IL1RAPL2: variants seen among roughly 807,000 people sequenced by gnomAD.
IL1RAPL2 encodes X-linked interleukin-1 receptor accessory protein-like 2.
IL1RAPL2 carries 3 observed loss-of-function variants against 44.1 expected under a neutral mutation model. The observed-to-expected ratio is 0.07, with a 90% CI of 0.03 to 0.18. IL1RAPL2 has a LOEUF of 0.18. IL1RAPL2 is among the 10% of genes least tolerant of loss of function. The probability of loss-of-function intolerance (pLI) is 1.00; values close to 1 mark genes in which losing one functional copy is unlikely to be tolerated. For missense variants in IL1RAPL2, 391 were observed against 496.4 expected, an observed-to-expected ratio of 0.79 and a Z score of 2.02; for synonymous variants, 181 against 178.8, an observed-to-expected ratio of 1.01 and a Z score of -0.10.
intron 2 of IL1RAPL2, among the ~76,000 whole-genome samples, chrX:104,709,122 C>T (rs1931409562): frequency 9.1e-6 from 1 of 110,333 alleles, no homozygotes; most frequent in African/African-American, 3.3e-5. Context: ...ACCACAGGTA[C>T]ACTTTGGCTC....
chrX:104,681,047 A>G (rs1241903110), intron 2 of IL1RAPL2, among the ~76,000 whole-genome samples: 1 of 111,900 alleles, frequency 8.9e-6, no homozygotes, highest in African/African-American at 3.2e-5. Context: ...CTGTCAGAGC[A>G]AAAAATATAC....
At chrX:105,521,136 G>T (rs1419859666) in intron 6 of IL1RAPL2, among the ~76,000 whole-genome samples, 3 of 102,562 alleles carry the variant, frequency 2.9e-5, no homozygotes, top group Non-Finnish European at 4.0e-5. Context: ...AGTAGAGACG[G>T]GGTTTCACCG....
intron 5 of IL1RAPL2, among the ~76,000 whole-genome samples, chrX:105,442,494 C>A (rs764747761): frequency 5.4e-5 from 6 of 112,108 alleles, no homozygotes; most frequent in Non-Finnish European, 1.1e-4. Context: ...TCACTATTCA[C>A]AAATGTTAGC....
At chrX:104,966,633 C>T (rs2030129660) in intron 2 of IL1RAPL2, among the ~76,000 whole-genome samples, 2 of 111,727 alleles carry the variant, frequency 1.8e-5, no homozygotes, top group African/African-American at 6.5e-5. Context: ...ACACACAAAT[C>T]CACAATCATG....
intron 2 of IL1RAPL2, among the ~76,000 whole-genome samples, chrX:104,918,842 AT>A (rs1446258234): frequency 8.9e-6 from 1 of 111,922 alleles, no homozygotes; most frequent in Non-Finnish European, 1.9e-5. Context: ...ATTAATTTTT[AT>A]TGTTTCTCAA....
intron 6 of IL1RAPL2, among the ~76,000 whole-genome samples, chrX:105,686,276 AAGACC>A: frequency 9.2e-6 from 1 of 108,238 alleles, no homozygotes; most frequent in Admixed American, 1.0e-4. Context: ...ATAAAGAGTC[AAGACC>A]CATCAGTATG....
chrX:105,534,521 C>G (rs1471431110), intron 6 of IL1RAPL2, among the ~76,000 whole-genome samples: 1 of 110,740 alleles, frequency 9.0e-6, no homozygotes, highest in African/African-American at 3.3e-5. Flanking sequence ...TATACACCCA[C>G]CATGTACCCC....
chrX:105,232,933 G>A (rs1367029244), intron 3 of IL1RAPL2, among the ~76,000 whole-genome samples: 1 of 111,767 alleles, frequency 8.9e-6, no homozygotes, highest in Non-Finnish European at 1.9e-5. Flanking sequence ...ACTCTAGTAG[G>A]ATTTCTTCTT....
intron 5 of IL1RAPL2, among the ~76,000 whole-genome samples, chrX:105,301,655 A>T (rs1331384586): frequency 8.9e-6 from 1 of 111,778 alleles, no homozygotes; most frequent in Admixed American, 9.5e-5. Context: ...TATTTCACTT[A>T]ACATGATGAC....
At chrX:105,244,960 G>T (rs1229144105) in intron 4 of IL1RAPL2, among the ~76,000 whole-genome samples, 2 of 111,682 alleles carry the variant, frequency 1.8e-5, no homozygotes, top group East Asian at 5.7e-4. Context: ...ACATTTTGAA[G>T]TTGGCCACAT....
chrX:104,671,531 G>T (rs1295917765), intron 2 of IL1RAPL2, among the ~76,000 whole-genome samples: 1 of 111,140 alleles, frequency 9.0e-6, no homozygotes, highest in Non-Finnish European at 1.9e-5. Context: ...TCCTTCCTCT[G>T]TGCTCCTGTA....
rs758103328 is a variant in IL1RAPL2 at position 104,764,821 on chromosome X, T to G, written c.82+105826T>G. ...TCATCAATTGAAATGATCACTAGGT[T>G]TTTATCCTTCATTCTGTCGATATGT... On this transcript the variant is annotated intron_variant, in intron 2 of 10. Transcript: ENST00000372582. 6.2e-5 allele frequency among the ~76,000 whole-genome samples: 7 copies of G among 112,499 alleles called. No individual in the cohort carries two copies. The East Asian group carries it at 2.0e-3, about 31-fold the overall frequency.
chrX:105,133,368 G>T (rs1405446710), intron 2 of IL1RAPL2, among the ~76,000 whole-genome samples: 3 of 111,171 alleles, frequency 2.7e-5, no homozygotes, highest in Admixed American at 9.6e-5. Flanking sequence ...GCAGATAAAT[G>T]TACTTGCAAC....
In IL1RAPL2 at chrX:105,767,220, A is replaced by C. The variant is rs1339167060; in HGVS notation, c.1620A>C (p.Lys540Asn). 2 of 1,211,793 alleles carry C rather than the reference A, an allele frequency of 1.7e-6. No individual in the cohort carries two copies. Among genetic ancestry groups the C allele is most frequent in the Non-Finnish European group, 2.2e-6 (2 of 895,421 alleles). ...CCCTGATCAAGTGGAAGGGATCCAAAAGCAGCAAATTAAATTCTAAGTTTT... is the reference window on the plus strand; with the variant it reads ...CCCTGATCAAGTGGAAGGGATCCAACAGCAGCAAATTAAATTCTAAGTTTT... ...LLSLIKWKGS[K>N]SSKLNSKFWK... Residue 540 changes from lysine to asparagine, a missense_variant, in exon 11 of 11, where the codon AAA (lysine) becomes AAC (asparagine). By Grantham distance (94) the Lys-to-Asn change is moderately conservative. Transcript: ENST00000372582.
chrX:105,117,786 C>G (rs1434028470), intron 2 of IL1RAPL2, among the ~76,000 whole-genome samples: 1 of 111,605 alleles, frequency 9.0e-6, no homozygotes, highest in Non-Finnish European at 1.9e-5. Flanking sequence ...AATTAAACTT[C>G]TTCATAAATT....
At chrX:105,076,678 A>G (rs189201665) in intron 2 of IL1RAPL2, among the ~76,000 whole-genome samples, 1 of 111,282 alleles carries the variant, frequency 9.0e-6, no homozygotes, top group Admixed American at 9.6e-5. Flanking sequence ...GTGGTGGTCT[A>G]AGTCTCTTTG....
In IL1RAPL2 at chrX:104,780,322, G is replaced by A. The variant is rs183574611; in HGVS notation, c.82+121327G>A. On this transcript the variant is annotated intron_variant, in intron 2 of 10. Coordinates refer to ENST00000372582, the MANE Select transcript of IL1RAPL2 (RefSeq NM_017416.2). ...AAGTAAAAGCCACTTTTACAAATCC[G>A]GGGTAACACTGGTGTCTCTGTAATC... is the stretch of plus-strand genomic sequence containing the variant. Among the ~76,000 whole-genome samples, 151 of 112,004 alleles carry A rather than the reference G, an allele frequency of 1.3e-3. 1 individual carries two copies. Among genetic ancestry groups the A allele is most frequent in the Non-Finnish European group, 2.4e-3 (129 of 53,191 alleles).
At chrX:105,213,086 A>G (rs2033821694) in intron 3 of IL1RAPL2, among the ~76,000 whole-genome samples, 1 of 110,478 alleles carries the variant, frequency 9.1e-6, no homozygotes, top group African/African-American at 3.3e-5. Context: ...AGTGATTGCC[A>G]CTCCTCTCCA....
chrX:105,123,331 A>G (rs1404291475), intron 2 of IL1RAPL2, among the ~76,000 whole-genome samples: 2 of 111,364 alleles, frequency 1.8e-5, no homozygotes, highest in East Asian at 5.6e-4. Flanking sequence ...ATATCAGGGC[A>G]ATATCCTAGT....
Sources: gnomAD v4.1 joint callset for allele counts (sites outside exome capture counted in the v4.1 genomes callset) on GRCh38, gnomAD v4.1.1 for gene constraint, MANE v1.5 for transcripts, NCBI Gene and HGNC (gene_info 2026-07-23, HGNC 2026-07-21) for gene names.